The following GNPDA2 variants were observed in gnomAD, a reference collection of about 807,000 sequenced individuals.
The protein encoded by GNPDA2 is glcN6P deaminase 2.
A neutral mutation model predicts 27.0 loss-of-function variants in GNPDA2; 24 were observed. That is an observed-to-expected ratio of 0.89 (90% CI 0.64 to 1.25). The LOEUF is 1.25. Ranked by LOEUF, GNPDA2 falls within the 50% of genes most tolerant of loss-of-function variation. The pLI is 0.00. For missense variants in GNPDA2, 286 were observed against 335.1 expected, an observed-to-expected ratio of 0.85 and a Z score of 1.14; for synonymous variants, 94 against 108.4, an observed-to-expected ratio of 0.87 and a Z score of 0.83.
intron 4 of GNPDA2, among the ~76,000 whole-genome samples, chr4:44,715,996 A>C (rs1458801899): frequency 6.6e-6 from 1 of 151,992 alleles, no homozygotes; most frequent in Non-Finnish European, 1.5e-5. Context: ...TGGAGTACCA[A>C]CTATATACCA....
At chr4:44,710,284 T>G (rs572804900) in intron 5 of GNPDA2, among the ~76,000 whole-genome samples, 2 of 152,294 alleles carry the variant, frequency 1.3e-5, no homozygotes, top group Middle Eastern at 3.4e-3. Context: ...AGTTTTTTCC[T>G]CTGAACCTGT....
chr4:44,712,739 T>C lies in GNPDA2; in HGVS notation c.410-1602A>G, dbSNP rs1717053338. On this transcript the variant is annotated intron_variant, in intron 4 of 6. Coordinates refer to ENST00000295448, the MANE Select transcript of GNPDA2 (RefSeq NM_138335.3). ...GACCTCACTGATGATTTGGGCCTTATAGAAGTGTACAGCTAAGCTGAAATT... is the reference window on the plus strand; with the variant it reads ...GACCTCACTGATGATTTGGGCCTTACAGAAGTGTACAGCTAAGCTGAAATT... Among the ~76,000 whole-genome samples, 4 of 152,176 alleles carry C rather than the reference T, an allele frequency of 2.6e-5. No homozygotes were observed. The South Asian group carries it at 6.2e-4, about 24-fold the overall frequency.
At chr4:44,709,660 T>G (rs1449855210) in intron 5 of GNPDA2, among the ~76,000 whole-genome samples, 1 of 152,134 alleles carries the variant, frequency 6.6e-6, no homozygotes, top group Non-Finnish European at 1.5e-5. Context: ...TCCCATAAAC[T>G]GATATAAGTG....
In GNPDA2 at chr4:44,705,096, C is replaced by A. The variant is rs192906525; in HGVS notation, c.770-1954G>T. ...CTAGTTAACCTAGATCTTATCTAGG[C>A]ACTAAATAAAACCCTTTAAGATTCT... On this transcript the variant is annotated intron_variant, in intron 6 of 6. Coordinates refer to ENST00000295448, the MANE Select transcript of GNPDA2 (RefSeq NM_138335.3). 9.1e-6 allele frequency: 9 copies of A among 984,580 alleles called. No individual in the cohort carries two copies. The African/African-American group carries it at 1.2e-4, about 13-fold the overall frequency. The allele number at this position is 984,580 out of a possible 1,614,324, so 61.0% of individuals were successfully genotyped here. A position where few individuals can be genotyped will look rare whatever the true frequency, so the allele number is the denominator to read the frequency against.
chr4:44,719,395 C>T (rs1187925308), intron 2 of GNPDA2, among the ~76,000 whole-genome samples: 1 of 151,792 alleles, frequency 6.6e-6, no homozygotes, highest in Non-Finnish European at 1.5e-5. Flanking sequence ...AAAGGAAATT[C>T]AAGAATAGTA....
chr4:44,705,913 T>G (rs1716573955), intron 6 of GNPDA2: 1 of 151,962 alleles, frequency 6.6e-6, no homozygotes, highest in African/African-American at 2.4e-5. Context: ...GCATTTAGAA[T>G]AGTGCCTGGT....
chr4:44,711,537 A>C (rs1716979997), intron 4 of GNPDA2, among the ~76,000 whole-genome samples: 1 of 152,166 alleles, frequency 6.6e-6, no homozygotes, highest in Non-Finnish European at 1.5e-5. Context: ...CAAGAAAAAT[A>C]AGTGACTTGT....
At position 44,702,949 on chromosome 4, in the gene GNPDA2, A is replaced by G. The variant is rs927310728; in HGVS notation, c.*132T>C. The G allele has an allele frequency of 1.7e-5, 26 of 1,514,182 alleles. No individual in the cohort carries two copies. Among genetic ancestry groups the G allele is most frequent in the African/African-American group, 8.5e-5 (6 of 70,794 alleles). The allele number at this position is 1,514,182 out of a possible 1,614,324, so 93.8% of individuals were successfully genotyped here. ...ATATTCAAAATATGGAATGTTTAAC[A>G]TAGAGACTCGAATGAAAAAATGACA... On this transcript the variant is annotated 3_prime_UTR_variant, in exon 7 of 7. Transcript: ENST00000295448.
chr4:44,725,947 A>T (rs1467059055), intron 1 of GNPDA2, among the ~76,000 whole-genome samples: 1 of 150,084 alleles, frequency 6.7e-6, no homozygotes, highest in African/African-American at 2.5e-5. Context: ...GGCGGGGCCA[A>T]GACCAGAATC....
intron 4 of GNPDA2, chr4:44,714,423 T>A: frequency 1.0e-6 from 1 of 985,454 alleles, no homozygotes; most frequent in Non-Finnish European, 1.2e-6. Context: ...TCCTCCTTTT[T>A]CTTTCCCTCT....
At chr4:44,704,068 C>A in intron 6 of GNPDA2, 2 of 985,038 alleles carry the variant, frequency 2.0e-6, no homozygotes, top group Non-Finnish European at 2.4e-6. Context: ...AGAAAGGCTG[C>A]AAAAAGGACT....
At chr4:44,725,613 G>A (rs1717961278) in intron 1 of GNPDA2, among the ~76,000 whole-genome samples, 1 of 151,618 alleles carries the variant, frequency 6.6e-6, no homozygotes. Context: ...TCTGGAGGGC[G>A]CAGAGTCACC....
At position 44,701,823 on chromosome 4, in the gene GNPDA2, T is replaced by TA; in HGVS notation, c.*1257dup. The TA allele has an allele frequency of 1.0e-6, 1 of 984,544 alleles. No homozygotes were observed. The highest frequency in any genetic ancestry group is 1.2e-6 in the Non-Finnish European group (1 of 829,180). 61.0% of individuals were successfully genotyped at this position (984,544 alleles called of 1,614,324 possible). On this transcript the variant is annotated 3_prime_UTR_variant, in exon 7 of 7. Coordinates refer to ENST00000295448, the MANE Select transcript of GNPDA2 (RefSeq NM_138335.3). ...AACATCATCTGGAATTAAAGCAGCATAATTTACCCCATCCCCCACTTTTAA... is the reference window on the plus strand; with the variant it reads ...AACATCATCTGGAATTAAAGCAGCATAAATTTACCCCATCCCCCACTTTTAA...
In GNPDA2 at chr4:44,722,257, T is replaced by C. The variant is rs367618010; in HGVS notation, c.-35-15A>G. On this transcript the variant is annotated splice_polypyrimidine_tract_variant and intron_variant, in intron 1 of 6. Coordinates refer to ENST00000295448, the MANE Select transcript of GNPDA2 (RefSeq NM_138335.3). ...CAAGTTCAAACCTGAGAAAAGTCCA[T>C]TGTAGAACACTTTACATAATAAACA... 2.5e-5 allele frequency: 40 copies of C among 1,592,358 alleles called. No homozygotes were observed. The highest frequency in any genetic ancestry group is 1.8e-4 in the African/African-American group (13 of 74,034).
chr4:44,703,072 C>T lies in GNPDA2; in HGVS notation c.*9G>A, dbSNP rs756234207. ...TGTTCATTCAAGCTGAATTTTGCTCCAGTCTCCTTCAGTTTCCATCTTTCA... is the reference window on the plus strand; with the variant it reads ...TGTTCATTCAAGCTGAATTTTGCTCTAGTCTCCTTCAGTTTCCATCTTTCA... On this transcript the variant is annotated 3_prime_UTR_variant, in exon 7 of 7. Transcript: ENST00000295448. 2 of 1,611,356 alleles carry T rather than the reference C, an allele frequency of 1.2e-6. No homozygotes were observed. The highest frequency in any genetic ancestry group is 1.7e-5 in the Admixed American group (1 of 59,706).
chr4:44,712,181 C>T (rs572691339), intron 4 of GNPDA2, among the ~76,000 whole-genome samples: 1 of 152,012 alleles, frequency 6.6e-6, no homozygotes, highest in Admixed American at 6.6e-5. Context: ...TTATAAGTAC[C>T]CTAGTAGCTA....
chr4:44,705,552 T>C (rs1483718178), intron 6 of GNPDA2: 4 of 704,212 alleles, frequency 5.7e-6, no homozygotes, highest in Non-Finnish European at 7.0e-6. Flanking sequence ...TAAATACATA[T>C]AAACATCTAC....
chr4:44,709,543 G>C (rs1284353638), intron 5 of GNPDA2, among the ~76,000 whole-genome samples: 1 of 152,088 alleles, frequency 6.6e-6, no homozygotes, highest in Non-Finnish European at 1.5e-5. Flanking sequence ...CCAGTGCTCA[G>C]GCAGATGTTG....
intron 5 of GNPDA2, among the ~76,000 whole-genome samples, chr4:44,709,849 G>A (rs1345028743): frequency 2.6e-5 from 4 of 151,612 alleles, no homozygotes; most frequent in Admixed American, 2.6e-4. Flanking sequence ...ATGGTGGTGT[G>A]CACCTGAAGT....
Sources: allele counts gnomAD v4.1 joint callset (sites outside exome capture counted in the v4.1 genomes callset), GRCh38; gene constraint gnomAD v4.1.1; transcripts MANE v1.5; gene names NCBI Gene and HGNC (gene_info 2026-07-23, HGNC 2026-07-21).